The following KALRN variants were observed in gnomAD, a reference collection of about 807,000 sequenced individuals.
The protein encoded by KALRN is kalirin.
In KALRN, 70 loss-of-function variants were observed where a neutral mutation model predicts 353.7. The ratio of observed to expected loss-of-function variants is 0.20; its 90% confidence interval spans 0.16 to 0.24. KALRN has a LOEUF of 0.24. Ranked by LOEUF, KALRN falls within the 10% of genes least tolerant of loss-of-function variation. The pLI is 1.00. For synonymous variants in KALRN, 1,391 were observed against 1,434.8 expected (o/e 0.97, Z 0.69); for missense variants, 2,791 against 3,756.7 (o/e 0.74, Z 6.72).
At chr3:124,289,086 A>G (rs562576978) in intron 5 of KALRN, among the ~76,000 whole-genome samples, 4 of 152,332 alleles carry the variant, frequency 2.6e-5, no homozygotes, top group Admixed American at 2.0e-4. Context: ...TTGCTGCATC[A>G]TAACATGGCA....
intron 10 of KALRN, among the ~76,000 whole-genome samples, chr3:124,358,079 G>A (rs1294431192): frequency 1.3e-5 from 2 of 152,100 alleles, no homozygotes; most frequent in Non-Finnish European, 2.9e-5. Flanking sequence ...CTGTGCTGGG[G>A]GTCACCCTGA....
At chr3:124,319,718 C>T (rs757613458) in intron 6 of KALRN, among the ~76,000 whole-genome samples, 21 of 152,014 alleles carry the variant, frequency 1.4e-4, no homozygotes, top group South Asian at 2.1e-4. Flanking sequence ...TCAGGCCAGG[C>T]GCAGTGGCTC....
intron 34 of KALRN, among the ~76,000 whole-genome samples, chr3:124,608,215 C>G (rs1215717427): frequency 6.6e-6 from 1 of 151,838 alleles, no homozygotes; most frequent in African/African-American, 2.4e-5. Flanking sequence ...CCATGTTGCC[C>G]AGGCTGGTCT....
chr3:124,334,177 A>G lies in KALRN; in HGVS notation c.1417-88A>G. ...CCTGAGATTCTCAGAAGGCCTAGTCAGGGACCCTCAGGCAGACACTTCCTG... is the reference window on the plus strand; with the variant it reads ...CCTGAGATTCTCAGAAGGCCTAGTCGGGGACCCTCAGGCAGACACTTCCTG... On this transcript the variant is annotated intron_variant, in intron 8 of 59. Transcript: ENST00000682506. This position sits in a 1 kb window ranked among gnomAD's most constrained non-coding sequence, Gnocchi z 4.2. The G allele has an allele frequency of 6.2e-6, 7 of 1,125,110 alleles. No individual in the cohort carries two copies. Among genetic ancestry groups the G allele is most frequent in the Non-Finnish European group, 9.3e-6 (7 of 749,850 alleles). 69.7% of individuals were successfully genotyped at this position (1,125,110 alleles called of 1,614,324 possible).
intron 1 of KALRN, among the ~76,000 whole-genome samples, chr3:124,116,502 C>A (rs2063473926): frequency 6.6e-6 from 1 of 152,150 alleles, no homozygotes; most frequent in Non-Finnish European, 1.5e-5. Context: ...TAATGGTATG[C>A]ATAATTAGGT....
At chr3:124,626,411 C>G (rs2079960734) in intron 34 of KALRN, among the ~76,000 whole-genome samples, 1 of 152,088 alleles carries the variant, frequency 6.6e-6, no homozygotes, top group East Asian at 1.9e-4. Flanking sequence ...AATGTTTACA[C>G]TATATCTAGG....
chr3:124,389,264 G>T (rs1163019420), intron 11 of KALRN, among the ~76,000 whole-genome samples: 1 of 152,126 alleles, frequency 6.6e-6, no homozygotes, highest in African/African-American at 2.4e-5. Context: ...TTTTGTAGGA[G>T]ATTTCTAAGT....
At chr3:124,165,224 G>C (rs556339021) in intron 1 of KALRN, among the ~76,000 whole-genome samples, 2 of 152,140 alleles carry the variant, frequency 1.3e-5, no homozygotes, top group African/African-American at 4.8e-5. Flanking sequence ...AAACAAATTT[G>C]TTATGAGAAA....
intron 21 of KALRN, among the ~76,000 whole-genome samples, chr3:124,450,318 A>T (rs758278606): frequency 2.0e-5 from 3 of 152,170 alleles, no homozygotes; most frequent in Non-Finnish European, 4.4e-5. Flanking sequence ...TACTTTTTTA[A>T]GCTGGTAATT....
At chr3:124,591,398 A>G (rs2075760595) in intron 34 of KALRN, among the ~76,000 whole-genome samples, 1 of 152,110 alleles carries the variant, frequency 6.6e-6, no homozygotes, top group African/African-American at 2.4e-5. Flanking sequence ...TCTACCTCCC[A>G]AAGTGCTGAG....
At chr3:124,462,109 C>A (rs1260504719) in intron 24 of KALRN, among the ~76,000 whole-genome samples, 153 bp downstream of exon 24, 4 of 152,148 alleles carry the variant, frequency 2.6e-5, no homozygotes, top group Non-Finnish European at 5.9e-5. Flanking sequence ...CTAAAGTCAA[C>A]AATAATTACA....
intron 34 of KALRN, among the ~76,000 whole-genome samples, chr3:124,623,373 G>GATATAT (rs72497673): frequency 8.1e-4 from 118 of 144,972 alleles, no homozygotes; most frequent in Middle Eastern, 3.6e-3. Context: ...ACTAATAGGA[G>GATATAT]ATATATATAT....
intron 34 of KALRN, among the ~76,000 whole-genome samples, chr3:124,597,552 C>T (rs1201458863): frequency 6.6e-6 from 1 of 152,040 alleles, no homozygotes; most frequent in Non-Finnish European, 1.5e-5. Flanking sequence ...ATAGTGGGAG[C>T]AAAGCAGCAG....
intron 14 of KALRN, among the ~76,000 whole-genome samples, chr3:124,415,618 G>T (rs2092454045): frequency 6.6e-6 from 1 of 152,200 alleles, no homozygotes; most frequent in South Asian, 2.1e-4. Context: ...TAGTCTAAGG[G>T]TCAAAGAATT....
At chr3:124,546,743 CAG>C (rs2069721738) in intron 33 of KALRN, among the ~76,000 whole-genome samples, 1 of 152,072 alleles carries the variant, frequency 6.6e-6, no homozygotes, top group African/African-American at 2.4e-5. Context: ...TTGTAGGTCT[CAG>C]AGTCTAGTGA....
At chr3:124,042,901 T>C (rs1336114655) in intron 1 of KALRN, among the ~76,000 whole-genome samples, 1 of 152,130 alleles carries the variant, frequency 6.6e-6, no homozygotes, top group East Asian at 1.9e-4. Flanking sequence ...GCTATCAAAA[T>C]AGATGATATA....
intron 29 of KALRN, among the ~76,000 whole-genome samples, chr3:124,490,151 G>GTA (rs2062992387): frequency 6.6e-6 from 1 of 152,114 alleles, no homozygotes; most frequent in African/African-American, 2.4e-5. Flanking sequence ...CCAGCTACTT[G>GTA]GGAAGCTAAG....
chr3:124,237,519 C>A (rs987214218), intron 3 of KALRN, among the ~76,000 whole-genome samples: 2 of 152,098 alleles, frequency 1.3e-5, no homozygotes, highest in African/African-American at 4.8e-5. Flanking sequence ...CCTGCCACCA[C>A]AACTGGCTAA....
At chr3:124,511,128 C>T (rs547464088) in intron 33 of KALRN, among the ~76,000 whole-genome samples, 1 of 152,222 alleles carries the variant, frequency 6.6e-6, no homozygotes, top group South Asian at 2.1e-4. Flanking sequence ...CCTCTCCTCT[C>T]CCCTTCCCCT....
Sources: gnomAD v4.1 joint callset for allele counts (sites outside exome capture counted in the v4.1 genomes callset) on GRCh38, gnomAD v4.1.1 for gene constraint, Gnocchi (gnomAD v3.1) non-coding constraint, MANE v1.5 for transcripts, NCBI Gene and HGNC (gene_info 2026-07-23, HGNC 2026-07-21) for gene names.